Variants in SHISA6 observed in about 807,000 individuals in gnomAD.
The protein encoded by SHISA6 is shisa family member 6.
A neutral mutation model predicts 47.9 loss-of-function variants in SHISA6; 22 were observed. The ratio of observed to expected loss-of-function variants is 0.46; its 90% confidence interval spans 0.33 to 0.66. The LOEUF (loss-of-function observed/expected upper bound fraction) is 0.66. SHISA6 is among the 30% of genes least tolerant of loss of function. The probability of loss-of-function intolerance (pLI) is 0.02; values close to 1 mark genes in which losing one functional copy is unlikely to be tolerated. For synonymous variants in SHISA6, 388 were observed against 337.8 expected, an observed-to-expected ratio of 1.15 and a Z score of -1.63; for missense variants, 680 against 764.6, an observed-to-expected ratio of 0.89 and a Z score of 1.30.
At chr17:11,287,247 A>AGGAG (rs1373810484) in intron 2 of SHISA6, among the ~76,000 whole-genome samples, 1 of 150,138 alleles carries the variant, frequency 6.7e-6, no homozygotes, top group Non-Finnish European at 1.5e-5. Context: ...GAAGGAAGGA[A>AGGAG]GGAGGGAGGG....
intron 1 of SHISA6, among the ~76,000 whole-genome samples, chr17:11,246,347 G>T (rs562847261): frequency 1.3e-5 from 2 of 152,092 alleles, no homozygotes; most frequent in African/African-American, 2.4e-5. Context: ...AAAGTTAGCC[G>T]GGTGTGGTGG....
intron 3 of SHISA6, among the ~76,000 whole-genome samples, chr17:11,507,926 C>CCA (rs1222531484): frequency 6.6e-6 from 1 of 152,208 alleles, no homozygotes; most frequent in Admixed American, 6.5e-5. Context: ...ATGTCCCCTC[C>CCA]CACACACAGG....
rs553662699 is a variant in SHISA6 at position 11,371,182 on chromosome 17, T to C, written c.800-8232T>C. ...CCTGGCCTGCCCCAGTTTACCTCGG[T>C]AAGAGCAAGCTCAGAAGCTGCCTTG... On this transcript the variant is annotated intron_variant, in intron 2 of 5. Coordinates refer to ENST00000441885, the MANE Select transcript of SHISA6 (RefSeq NM_207386.4). Among the ~76,000 whole-genome samples the C allele has an allele frequency of 3.9e-5, 6 of 152,326 alleles. No individual in the cohort carries two copies. In the South Asian group the frequency reaches 1.2e-3, roughly 32 times the overall value.
At chr17:11,458,374 C>A (rs1350364107) in intron 3 of SHISA6, among the ~76,000 whole-genome samples, 1 of 152,174 alleles carries the variant, frequency 6.6e-6, no homozygotes, top group Non-Finnish European at 1.5e-5. Context: ...TTCACTCTCC[C>A]CTCCCCTGGG....
At chr17:11,380,780 G>A (rs1912981316) in intron 3 of SHISA6, among the ~76,000 whole-genome samples, 1 of 152,162 alleles carries the variant, frequency 6.6e-6, no homozygotes, top group Non-Finnish European at 1.5e-5. Context: ...AGGCAGGGCT[G>A]CCTCCTCTGA....
At chr17:11,310,430 C>T (rs543658897) in intron 2 of SHISA6, among the ~76,000 whole-genome samples, 59 of 152,100 alleles carry the variant, frequency 3.9e-4, no homozygotes, top group African/African-American at 1.3e-3. Flanking sequence ...TCAGGGTGGT[C>T]GAGAATGACA....
At chr17:11,429,826 T>C (rs1440902490) in intron 3 of SHISA6, among the ~76,000 whole-genome samples, 1 of 143,002 alleles carries the variant, frequency 7.0e-6, no homozygotes, top group Non-Finnish European at 1.5e-5. Flanking sequence ...AATCAATCAA[T>C]CAATCAGTCA....
rs143397292 is a variant in SHISA6, at chr17:11,558,473, C to T, written c.*169C>T. 7.0e-3 allele frequency: 4,940 copies of T among 704,220 alleles called. 37 individuals are homozygous for T. The highest frequency in any genetic ancestry group is 9.2e-3 in the Non-Finnish European group (3,955 of 430,370). The allele number at this position is 704,220 out of a possible 1,614,324, so 43.6% of individuals were successfully genotyped here. On this transcript the variant is annotated 3_prime_UTR_variant, in exon 6 of 6. Coordinates refer to ENST00000441885, the MANE Select transcript of SHISA6 (RefSeq NM_207386.4). ...AGCCATACCCCCGGGGACACAGCCC[C>T]GATGGCCTGGTCCAATACACTTAGA...
chr17:11,509,077 C>T (rs1481833022), intron 3 of SHISA6, among the ~76,000 whole-genome samples: 1 of 152,114 alleles, frequency 6.6e-6, no homozygotes, highest in Non-Finnish European at 1.5e-5. Flanking sequence ...TGGATGGGCT[C>T]TCAGAATCAT....
intron 3 of SHISA6, among the ~76,000 whole-genome samples, chr17:11,485,878 A>G (rs1916336820): frequency 6.6e-6 from 1 of 151,972 alleles, no homozygotes; most frequent in Non-Finnish European, 1.5e-5. Flanking sequence ...CCACCTTCCA[A>G]GCAAATTCCA....
chr17:11,537,157 C>T (rs1051405413), intron 3 of SHISA6, among the ~76,000 whole-genome samples: 2 of 150,884 alleles, frequency 1.3e-5, no homozygotes, highest in South Asian at 4.2e-4. Context: ...GCAGAGCAGG[C>T]TCACTGGAGA....
chr17:11,545,109 C>A (rs2071872843), intron 3 of SHISA6, among the ~76,000 whole-genome samples: 1 of 151,642 alleles, frequency 6.6e-6, no homozygotes, highest in Non-Finnish European at 1.5e-5. Flanking sequence ...CATAATATCC[C>A]CAAACTGAAA....
chr17:11,331,161 C>T (rs1202453240), intron 2 of SHISA6, among the ~76,000 whole-genome samples: 1 of 152,138 alleles, frequency 6.6e-6, no homozygotes, highest in East Asian at 1.9e-4. Context: ...GCGTGGCTTT[C>T]CTGTCCCAGT....
At chr17:11,350,249 G>T (rs1319632818) in intron 2 of SHISA6, among the ~76,000 whole-genome samples, 1 of 87,914 alleles carries the variant, frequency 1.1e-5, no homozygotes, top group Non-Finnish European at 2.2e-5. Flanking sequence ...GCGCGATCTC[G>T]GCTCACTGCA....
At chr17:11,459,218 C>CAAAA (rs200165239) in intron 3 of SHISA6, among the ~76,000 whole-genome samples, 1 of 90,770 alleles carries the variant, frequency 1.1e-5, no homozygotes, top group African/African-American at 4.0e-5. Context: ...GACTCCATCT[C>CAAAA]AAAAAAAAAA....
intron 2 of SHISA6, among the ~76,000 whole-genome samples, chr17:11,305,379 A>G (rs906526625): frequency 6.6e-6 from 1 of 152,222 alleles, no homozygotes; most frequent in African/African-American, 2.4e-5. Flanking sequence ...TCTGAGATCA[A>G]TAAGCAATGC....
chr17:11,323,669 A>AAATAATAATAAT lies in SHISA6; in HGVS notation c.800-55725_800-55714dup, dbSNP rs60694925. Among the ~76,000 whole-genome samples, 651 of 132,048 alleles carry AAATAATAATAAT rather than the reference A, an allele frequency of 4.9e-3. 4 individuals are homozygous for AAATAATAATAAT. The highest frequency in any genetic ancestry group is 0.016 in the African/African-American group (607 of 39,010). 86.6% of individuals were successfully genotyped at this position (132,048 alleles called of 152,430 possible). The stretch of plus-strand genomic sequence containing the variant: ...ACTGTGTCTCAAAAATAAATAAATA[A>AAATAATAATAAT]AATAATAATAATAATAATAATAATA... On this transcript the variant is annotated intron_variant, in intron 2 of 5. Coordinates refer to ENST00000441885, the MANE Select transcript of SHISA6 (RefSeq NM_207386.4).
At chr17:11,315,731 T>C (rs1910487911) in intron 2 of SHISA6, among the ~76,000 whole-genome samples, 1 of 152,214 alleles carries the variant, frequency 6.6e-6, no homozygotes. Context: ...CTAGAATTAA[T>C]TCACCTTGGC....
intron 3 of SHISA6, among the ~76,000 whole-genome samples, chr17:11,532,739 C>CTTTTTTTTTTTTTTT (rs71142217): frequency 2.8e-5 from 2 of 71,304 alleles, no homozygotes; most frequent in Admixed American, 2.2e-4. Context: ...TCTATCAGGG[C>CTTTTTTTTTTTTTTT]TTTTTTTTTT....
Sources: gnomAD v4.1 joint callset for allele counts (sites outside exome capture counted in the v4.1 genomes callset) on GRCh38, gnomAD v4.1.1 for gene constraint, MANE v1.5 for transcripts, NCBI Gene and HGNC (gene_info 2026-07-23, HGNC 2026-07-21) for gene names.